Variants in VAC14 observed in about 807,000 individuals in gnomAD.
The protein encoded by VAC14 is VAC14 component of PIKFYVE complex.
A neutral mutation model predicts 85.3 loss-of-function variants in VAC14; 47 were observed. The observed-to-expected ratio is 0.55, with a 90% CI of 0.44 to 0.70. The LOEUF (loss-of-function observed/expected upper bound fraction) is 0.70, where lower values mean the gene tolerates loss of function less well. Among genes scored for constraint, VAC14 ranks in the 30% least tolerant of loss-of-function variants. The pLI is 0.00. For missense variants in VAC14, 861 were observed against 1,004.3 expected (o/e 0.86, Z 1.93); for synonymous variants, 447 against 430.5 (o/e 1.04, Z -0.47).
chr16:70,708,309 G>A (rs1422353395), intron 14 of VAC14, among the ~76,000 whole-genome samples: 1 of 152,222 alleles, frequency 6.6e-6, no homozygotes, highest in African/African-American at 2.4e-5. Context: ...GCCTAGGGCT[G>A]GGCCCCTACA....
chr16:70,723,932 C>T (rs1209604673), intron 14 of VAC14, among the ~76,000 whole-genome samples: 1 of 152,236 alleles, frequency 6.6e-6, no homozygotes, highest in Non-Finnish European at 1.5e-5. Flanking sequence ...GGGGTGACCG[C>T]TGATTCAGTG....
chr16:70,738,838 T>C (rs1408311573), intron 13 of VAC14, among the ~76,000 whole-genome samples: 1 of 152,174 alleles, frequency 6.6e-6, no homozygotes, highest in Non-Finnish European at 1.5e-5. Flanking sequence ...CAAACTGAGC[T>C]GATGACACAA....
chr16:70,746,765 CT>C (rs1238335485), intron 12 of VAC14, among the ~76,000 whole-genome samples: 2 of 152,180 alleles, frequency 1.3e-5, no homozygotes, highest in South Asian at 4.1e-4. Flanking sequence ...GATTCAGCCC[CT>C]GCACACCTGC....
chr16:70,756,673 C>T (rs1484999556), intron 12 of VAC14, among the ~76,000 whole-genome samples: 1 of 152,186 alleles, frequency 6.6e-6, no homozygotes, highest in Non-Finnish European at 1.5e-5. Context: ...ATGGGTCAGG[C>T]ACTTCTGCTA....
intron 14 of VAC14, chr16:70,716,036 C>G (rs965406197): frequency 3.1e-4 from 47 of 152,352 alleles, no homozygotes; most frequent in African/African-American, 1.1e-3. Flanking sequence ...GAGGGGAAAA[C>G]TAGGGCACTT....
At chr16:70,744,369 A>G (rs2030658597) in intron 13 of VAC14, 54 bp downstream of exon 13, 1 of 1,609,704 alleles carries the variant, frequency 6.2e-7, no homozygotes, top group East Asian at 2.2e-5. Context: ...CCAGCCTAAG[A>G]CCCGGCACTG....
chr16:70,776,357 G>A (rs548552964), intron 9 of VAC14, among the ~76,000 whole-genome samples: 17 of 151,862 alleles, frequency 1.1e-4, no homozygotes, highest in Admixed American at 7.2e-4. Flanking sequence ...CAATCCTCCC[G>A]CCTCAGCCTC....
intron 1 of VAC14, among the ~76,000 whole-genome samples, chr16:70,792,078 C>T (rs563633401): frequency 1.3e-4 from 20 of 152,296 alleles, no homozygotes; most frequent in Admixed American, 2.6e-4. Flanking sequence ...GCTTGGATGA[C>T]GCCTGAAGGA....
chr16:70,791,177 C>T (rs1308087933), intron 1 of VAC14, among the ~76,000 whole-genome samples: 1 of 152,212 alleles, frequency 6.6e-6, no homozygotes, highest in Non-Finnish European at 1.5e-5. Flanking sequence ...CTCCCATCTG[C>T]CCACTCTCTA....
Position 70,783,025 on chromosome 16 carries a change from A to G in VAC14, c.811+8T>C, listed in dbSNP as rs569395624. ...AGCCGTGGCTGTGGGCCCTCCCCCA[A>G]TACTCACCTGTTGTCTGGCAGTGGA... On this transcript the variant is annotated splice_region_variant and intron_variant, in intron 7 of 18. Coordinates refer to ENST00000261776, the MANE Select transcript of VAC14 (RefSeq NM_018052.5). The G allele has an allele frequency of 2.4e-5, 39 of 1,613,488 alleles. No individual in the cohort carries two copies. In the Admixed American group the frequency reaches 2.8e-4, roughly 12 times the overall value.
intron 17 of VAC14, among the ~76,000 whole-genome samples, chr16:70,693,633 C>T (rs530109783): frequency 1.3e-5 from 2 of 152,170 alleles, no homozygotes; most frequent in African/African-American, 4.8e-5. Flanking sequence ...GCCCAAGCTG[C>T]AGCACGGACC....
At chr16:70,722,957 T>C (rs2054331624) in intron 14 of VAC14, among the ~76,000 whole-genome samples, 1 of 152,144 alleles carries the variant, frequency 6.6e-6, no homozygotes, top group Non-Finnish European at 1.5e-5. Flanking sequence ...GGCTCATGAC[T>C]GTAATCTCAG....
intron 14 of VAC14, among the ~76,000 whole-genome samples, chr16:70,705,795 AC>A (rs1352255159): frequency 6.6e-6 from 1 of 151,694 alleles, no homozygotes; most frequent in Non-Finnish European, 1.5e-5. Flanking sequence ...GGTGTACCCC[AC>A]CTCCTCAGTT....
chr16:70,781,588 C>G (rs1221565948), intron 8 of VAC14, among the ~76,000 whole-genome samples: 1 of 152,094 alleles, frequency 6.6e-6, no homozygotes, highest in Non-Finnish European at 1.5e-5. Flanking sequence ...CTCCCCAGCC[C>G]AAGGTGGGGC....
intron 1 of VAC14, among the ~76,000 whole-genome samples, chr16:70,792,197 A>G (rs1292849871): frequency 6.6e-6 from 1 of 152,142 alleles, no homozygotes; most frequent in Non-Finnish European, 1.5e-5. Context: ...ACAAAAAAAG[A>G]AACTACAAGG....
At chr16:70,701,507 C>G (rs1278693759) in intron 14 of VAC14, among the ~76,000 whole-genome samples, 2 of 152,086 alleles carry the variant, frequency 1.3e-5, no homozygotes. Flanking sequence ...CCTGGGAGCA[C>G]AACCTACACG....
intron 12 of VAC14, among the ~76,000 whole-genome samples, chr16:70,758,593 T>A (rs2032058989): frequency 6.6e-6 from 1 of 152,156 alleles, no homozygotes; most frequent in African/African-American, 2.4e-5. Flanking sequence ...CCGTGGATAC[T>A]CACAGGTGGG....
chr16:70,753,350 G>A (rs533982295), intron 12 of VAC14, among the ~76,000 whole-genome samples: 1 of 152,344 alleles, frequency 6.6e-6, no homozygotes, highest in South Asian at 2.1e-4. Flanking sequence ...CTGCCAGTCT[G>A]TGGGCCTTGT....
Position 70,781,942 on chromosome 16 carries a change from G to T in VAC14, c.873C>A (p.Arg291=), listed in dbSNP as rs200285981. Residue 291 remains arginine (R), a synonymous_variant, in exon 8 of 19, where the codon CGC becomes CGA. Transcript: ENST00000261776. ...TCCCGGAGGAGTAAGGCAGCATGAC[G>T]CGGCCCGCCAGCTGGATGAACTCCC... ...WMREFIQLAG[R]VMLPYSSGIL... 6.8e-5 allele frequency: 109 copies of T among 1,614,116 alleles called. No individual in the cohort carries two copies. Among genetic ancestry groups the T allele is most frequent in the Non-Finnish European group, 8.9e-5 (105 of 1,180,030 alleles).
Sources: allele counts gnomAD v4.1 joint callset (sites outside exome capture counted in the v4.1 genomes callset), GRCh38; gene constraint gnomAD v4.1.1; transcripts MANE v1.5; gene names NCBI Gene and HGNC (gene_info 2026-07-23, HGNC 2026-07-21).